Variants in TTC28 observed in about 807,000 individuals in gnomAD.
TTC28 encodes tetratricopeptide repeat protein 28.
In TTC28, 61 loss-of-function variants were observed where a neutral mutation model predicts 198.0. The ratio of observed to expected loss-of-function variants is 0.31; its 90% CI spans 0.25 to 0.38. The LOEUF is 0.38. Among genes scored for constraint, TTC28 ranks in the 10% least tolerant of loss-of-function variants. TTC28 has a pLI of 1.00. For missense variants in TTC28, 2,678 were observed against 3,164.0 expected (o/e 0.85, Z 3.69); for synonymous variants, 1,171 against 1,297.8 (o/e 0.90, Z 2.10).
chr22:28,311,427 C>T (rs1435417544), intron 2 of TTC28, among the ~76,000 whole-genome samples: 1 of 152,094 alleles, frequency 6.6e-6, no homozygotes, highest in East Asian at 1.9e-4. Context: ...TACAAAACAA[C>T]TTTGTTCAAT....
intron 12 of TTC28, among the ~76,000 whole-genome samples, chr22:28,075,820 T>C (rs1941148743): frequency 6.6e-6 from 1 of 152,204 alleles, no homozygotes; most frequent in Non-Finnish European, 1.5e-5. Flanking sequence ...ACCCCTCAAG[T>C]AGGCAGAGCG....
Position 28,491,154 on chromosome 22 carries a change from G to A in TTC28, c.381+138398C>T, listed in dbSNP as rs191129746. On this transcript the variant is annotated intron_variant, in intron 2 of 22. Transcript: ENST00000397906. Reference sequence around the variant, plus strand: ...CTTTCCCTCTCTTCCTCTTCTTACCGAAGTTAGGTGACAAAAGATACTTTT... The same window carrying A: ...CTTTCCCTCTCTTCCTCTTCTTACCAAAGTTAGGTGACAAAAGATACTTTT... Among the ~76,000 whole-genome samples the A allele has an allele frequency of 6.0e-4, 92 of 152,112 alleles. 1 individual carries two copies. Among genetic ancestry groups the A allele is most frequent in the Admixed American group, 5.2e-3 (79 of 15,278 alleles).
intron 2 of TTC28, among the ~76,000 whole-genome samples, chr22:28,356,770 G>A (rs183522985): frequency 6.6e-6 from 1 of 152,178 alleles, no homozygotes; most frequent in Non-Finnish European, 1.5e-5. Flanking sequence ...CAAGTAAGTA[G>A]GGACTGACAA....
intron 5 of TTC28, among the ~76,000 whole-genome samples, chr22:28,201,645 A>C (rs996652993): frequency 1.3e-5 from 2 of 151,876 alleles, no homozygotes; most frequent in South Asian, 4.2e-4. Flanking sequence ...AGAGGATGGC[A>C]GCAACAGCCA....
At chr22:28,487,971 A>G (rs2048331996) in intron 2 of TTC28, among the ~76,000 whole-genome samples, 1 of 152,166 alleles carries the variant, frequency 6.6e-6, no homozygotes, top group Non-Finnish European at 1.5e-5. Context: ...CTTGAAACAT[A>G]CTTTAAAACT....
At chr22:28,041,987 C>T (rs1939657013) in intron 12 of TTC28, among the ~76,000 whole-genome samples, 1 of 152,162 alleles carries the variant, frequency 6.6e-6, no homozygotes. Context: ...AAATGCTCAT[C>T]ATCACTGGTC....
At chr22:28,061,604 T>C (rs1374696473) in intron 12 of TTC28, among the ~76,000 whole-genome samples, 4 of 152,254 alleles carry the variant, frequency 2.6e-5, no homozygotes, top group Non-Finnish European at 4.4e-5. Flanking sequence ...AGTACCATGC[T>C]GTTTTGGTTA....
At chr22:28,083,440 CAA>C (rs1941439376) in intron 12 of TTC28, among the ~76,000 whole-genome samples, 2 of 152,100 alleles carry the variant, frequency 1.3e-5, no homozygotes, top group Admixed American at 6.5e-5. Context: ...AGTCAAATTA[CAA>C]AAAAGTTTCT....
intron 1 of TTC28, among the ~76,000 whole-genome samples, chr22:28,651,782 A>G (rs1403854940): frequency 1.3e-5 from 2 of 152,146 alleles, no homozygotes; most frequent in Admixed American, 1.3e-4. Flanking sequence ...ATTTTAAGAC[A>G]GCTAACTGAG....
chr22:28,496,222 G>GTTTATTCACTT (rs1380933164), intron 2 of TTC28, among the ~76,000 whole-genome samples: 1 of 151,940 alleles, frequency 6.6e-6, no homozygotes, highest in Non-Finnish European at 1.5e-5. Flanking sequence ...ATTCATTTGT[G>GTTTATTCACTT]TTTATTCACT....
chr22:28,208,016 C>G (rs777198109), intron 5 of TTC28, among the ~76,000 whole-genome samples: 40 of 152,100 alleles, frequency 2.6e-4, no homozygotes, highest in Middle Eastern at 3.2e-3. Context: ...GTGCAGCTAC[C>G]TCATTTCTAC....
At chr22:28,238,573 G>A (rs1601517809) in intron 5 of TTC28, among the ~76,000 whole-genome samples, 1 of 151,836 alleles carries the variant, frequency 6.6e-6, no homozygotes, top group Admixed American at 6.6e-5. Flanking sequence ...TCTAAGACTT[G>A]TTTTTAAGTT....
intron 1 of TTC28, among the ~76,000 whole-genome samples, chr22:28,676,816 G>C (rs1008551204): frequency 6.6e-6 from 1 of 151,700 alleles, no homozygotes; most frequent in African/African-American, 2.4e-5. Flanking sequence ...GTCAAGACTG[G>C]GAGTTCAAGA....
intron 2 of TTC28, among the ~76,000 whole-genome samples, chr22:28,478,549 G>A (rs969556089): frequency 2.7e-5 from 4 of 149,344 alleles, no homozygotes; most frequent in Non-Finnish European, 4.5e-5. Context: ...TTTTAGACAT[G>A]CATGTTGAAA....
chr22:28,031,695 G>A (rs995845938), intron 12 of TTC28, among the ~76,000 whole-genome samples: 1 of 152,182 alleles, frequency 6.6e-6, no homozygotes, highest in Non-Finnish European at 1.5e-5. Context: ...AATGCTCTAT[G>A]TGAACACCAA....
chr22:28,515,542 G>A (rs1004707880), intron 2 of TTC28, among the ~76,000 whole-genome samples: 6 of 152,154 alleles, frequency 3.9e-5, no homozygotes, highest in Non-Finnish European at 7.3e-5. Flanking sequence ...AAATAGCAGA[G>A]CTCTCGAGCA....
rs1928518932 is a variant in TTC28 at position 28,228,457 on chromosome 22, T to C, written c.934-64858A>G. The stretch of plus-strand genomic sequence containing the variant: ...GCTCATGCCTGTAATCCCAGCACTT[T>C]GGAAGACCGAGGCAGGGGGATTACC... On this transcript the variant is annotated intron_variant, in intron 5 of 22. Transcript: ENST00000397906. Among the ~76,000 whole-genome samples the C allele has an allele frequency of 1.3e-5, 2 of 152,208 alleles. 1 individual carries two copies. The highest frequency in any genetic ancestry group is 4.1e-4 in the South Asian group (2 of 4,830).
chr22:28,473,821 G>C (rs2048128653), intron 2 of TTC28, among the ~76,000 whole-genome samples: 1 of 152,168 alleles, frequency 6.6e-6, no homozygotes, highest in South Asian at 2.1e-4. Context: ...ATAAGAAGAA[G>C]AGATTAGGGC....
intron 3 of TTC28, among the ~76,000 whole-genome samples, chr22:28,306,275 A>G (rs1296658143): frequency 3.9e-5 from 6 of 152,206 alleles, no homozygotes; most frequent in Non-Finnish European, 8.8e-5. Flanking sequence ...AGAATGTAAT[A>G]TAGGTCCACA....
Sources: allele counts gnomAD v4.1 joint callset (sites outside exome capture counted in the v4.1 genomes callset), GRCh38; gene constraint gnomAD v4.1.1; transcripts MANE v1.5; gene names NCBI Gene and HGNC (gene_info 2026-07-23, HGNC 2026-07-21).